USP20: variants seen among roughly 807,000 people sequenced by gnomAD.
USP20 encodes ubiquitin specific peptidase 20.
Under a neutral mutation model 124.2 loss-of-function variants are expected in USP20, and 80 were observed. The observed-to-expected ratio is 0.64, with a 90% CI of 0.54 to 0.78. USP20 has a LOEUF of 0.78. Ranked by LOEUF, USP20 falls within the 30% of genes least tolerant of loss-of-function variation. The probability of loss-of-function intolerance (pLI) is 0.00; values close to 1 mark genes in which losing one functional copy is unlikely to be tolerated. For synonymous variants in USP20, 481 were observed against 512.3 expected (o/e 0.94, Z 0.83); for missense variants, 1,043 against 1,244.4 (o/e 0.84, Z 2.44).
rs1048806198 is a variant in USP20 at position 129,867,005 on chromosome 9, C to T, written c.691-1000C>T. Among the ~76,000 whole-genome samples, 5 of 152,268 alleles carry T rather than the reference C, an allele frequency of 3.3e-5. No individual in the cohort carries two copies. The South Asian group carries it at 6.2e-4, about 19-fold the overall frequency. Reference sequence around the variant, plus strand: ...CTTCCCTGCACATGAGTGGAGAGAGCCGGGATCCTCTTCCCAGATGTGTGA... The same window carrying T: ...CTTCCCTGCACATGAGTGGAGAGAGTCGGGATCCTCTTCCCAGATGTGTGA... On this transcript the variant is annotated intron_variant, in intron 10 of 25. Coordinates refer to ENST00000372429, the MANE Select transcript of USP20 (RefSeq NM_001110303.4).
At chr9:129,874,525 G>C (rs1223112603) in intron 17 of USP20, 51 bp from the exon 18 acceptor site, 2 of 1,601,280 alleles carry the variant, frequency 1.2e-6, no homozygotes, top group South Asian at 2.2e-5. Flanking sequence ...AAGGCTGCGA[G>C]GGCCCGCATC....
intron 1 of USP20, among the ~76,000 whole-genome samples, chr9:129,838,195 C>G (rs1264590754): frequency 6.6e-6 from 1 of 152,068 alleles, no homozygotes; most frequent in Non-Finnish European, 1.5e-5. Context: ...GCGCCCACCA[C>G]CACACCTGGC....
At chr9:129,854,189 C>T in intron 3 of USP20, among the ~76,000 whole-genome samples, 1 of 152,214 alleles carries the variant, frequency 6.6e-6, no homozygotes. Context: ...AAATGGGCCA[C>T]TCACGTTGTG....
rs2034068409 is a variant in USP20 at position 129,870,514 on chromosome 9, C to T, written c.1627C>T (p.Leu543Phe). 6.2e-7 allele frequency: 1 copy of T among 1,614,204 alleles called. No homozygotes were observed. Among genetic ancestry groups the T allele is most frequent in the Non-Finnish European group, 8.5e-7 (1 of 1,180,034 alleles). Residue 543 changes from leucine to phenylalanine, a missense_variant, in exon 15 of 26, where the codon CTT becomes TTT. Coordinates refer to ENST00000372429, the MANE Select transcript of USP20 (RefSeq NM_001110303.4). ...GCCTGTCGTCACCCTGGAAGACTGC[C>T]TTGCTGCCTTCTTTGCCGCTGATGA... ...WGPVVTLEDC[L>F]AAFFAADELK...
intron 1 of USP20, among the ~76,000 whole-genome samples, chr9:129,845,328 G>A (rs895132347): frequency 2.0e-5 from 3 of 151,894 alleles, no homozygotes; most frequent in Admixed American, 6.6e-5. Flanking sequence ...ACATACCTAG[G>A]AAGCCAGATG....
Position 129,880,444 on chromosome 9 carries a change from G to A in USP20, c.*17-23G>A, listed in dbSNP as rs912565738. Reference sequence around the variant, plus strand: ...GCCCTGGACATGGCCCGGCCCCACTGCTGAGTGCCCGTGTCCCCACAGCCC... The same window carrying A: ...GCCCTGGACATGGCCCGGCCCCACTACTGAGTGCCCGTGTCCCCACAGCCC... On this transcript the variant is annotated intron_variant, in intron 25 of 25. Coordinates refer to ENST00000372429, the MANE Select transcript of USP20 (RefSeq NM_001110303.4). The A allele has an allele frequency of 8.9e-6, 8 of 894,766 alleles. No individual in the cohort carries two copies. The South Asian group carries it at 1.4e-4, about 16-fold the overall frequency. 55.4% of individuals were successfully genotyped at this position (894,766 alleles called of 1,614,324 possible).
At chr9:129,866,522 G>A (rs2033826832) in intron 10 of USP20, among the ~76,000 whole-genome samples, 1 of 152,212 alleles carries the variant, frequency 6.6e-6, no homozygotes, top group Non-Finnish European at 1.5e-5. Context: ...AGGCCTACCT[G>A]AGCCCATCCC....
chr9:129,858,341 T>C (rs2174156), intron 5 of USP20, 126 bp from the exon 6 acceptor site: 1,294,723 of 1,429,696 alleles, frequency 0.91, 587,422 homozygotes, highest in East Asian at 1. Context: ...AAGCAAAATT[T>C]GAGCTTCCGG....
In USP20 at chr9:129,880,560, G is replaced by T; in HGVS notation, c.*110G>T. 2.3e-6 allele frequency: 1 copy of T among 433,740 alleles called. No homozygotes were observed. The highest frequency in any genetic ancestry group is 4.2e-6 in the Non-Finnish European group (1 of 236,398). 26.9% of individuals were successfully genotyped at this position (433,740 alleles called of 1,614,324 possible). Reference sequence around the variant, plus strand: ...CGCCGTGTAAAGAGGCAGAAAAGTTGGTTTGGTTTGCAGTAACGCTGCAAC... The same window carrying T: ...CGCCGTGTAAAGAGGCAGAAAAGTTTGTTTGGTTTGCAGTAACGCTGCAAC... On this transcript the variant is annotated 3_prime_UTR_variant, in exon 26 of 26. Transcript: ENST00000372429.
chr9:129,865,157 T>C, intron 9 of USP20, 146 bp from the exon 10 acceptor site: 3 of 734,592 alleles, frequency 4.1e-6, no homozygotes, highest in Admixed American at 2.5e-5. Flanking sequence ...TGTGAGCCTC[T>C]TGGGGCTCCT....
intron 14 of USP20, 102 bp downstream of exon 14, chr9:129,869,946 G>A: frequency 2.2e-6 from 3 of 1,379,304 alleles, no homozygotes; most frequent in Non-Finnish European, 2.0e-6. Flanking sequence ...TGGGGAACCA[G>A]GGAGGTCCTG....
chr9:129,875,993 C>A, intron 21 of USP20, 137 bp from the exon 22 acceptor site: 2 of 794,400 alleles, frequency 2.5e-6, no homozygotes, highest in Non-Finnish European at 4.1e-6. Flanking sequence ...CTGTGGTGCT[C>A]ACACAGAGGT....
chr9:129,865,301 A>T lies in USP20; in HGVS notation c.612-2A>T. The T allele has an allele frequency of 6.2e-7, 1 of 1,614,136 alleles. No individual in the cohort carries two copies. Among genetic ancestry groups the T allele is most frequent in the Non-Finnish European group, 8.5e-7 (1 of 1,179,950 alleles). ...GGACTAATGGGTTTGGGCTTCCTAC[A>T]GGCCAAGCTACGTGGTCCCCACCAG... is the stretch of plus-strand genomic sequence containing the variant. On this transcript the variant is annotated splice_acceptor_variant, in intron 9 of 25. Transcript: ENST00000372429. LOFTEE classifies it high-confidence loss of function.
In USP20 at chr9:129,874,961, C is replaced by T. The variant is rs148670445; in HGVS notation, c.2048+6C>T. On this transcript the variant is annotated splice_donor_region_variant and intron_variant, in intron 19 of 25. Coordinates refer to ENST00000372429, the MANE Select transcript of USP20 (RefSeq NM_001110303.4). The stretch of plus-strand genomic sequence containing the variant: ...GGCTACGTACTCTTCTACAGGTGGG[C>T]GCTGGGCCAGGCCTGGTGGAGGAAC... The T allele has an allele frequency of 7.9e-5, 128 of 1,612,716 alleles. No individual in the cohort carries two copies. Among genetic ancestry groups the T allele is most frequent in the African/African-American group, 1.3e-4 (10 of 75,042 alleles).
rs1218572326 is a variant in USP20 at position 129,878,297 on chromosome 9, G to A, written c.2410-41G>A. The A allele has an allele frequency of 2.7e-6, 4 of 1,504,750 alleles. No homozygotes were observed. The East Asian group carries it at 9.8e-5, about 37-fold the overall frequency. The allele number at this position is 1,504,750 out of a possible 1,614,324, so 93.2% of individuals were successfully genotyped here. A position where few individuals can be genotyped will look rare whatever the true frequency, so the allele number is the denominator to read the frequency against. On this transcript the variant is annotated intron_variant, in intron 22 of 25. Coordinates refer to ENST00000372429, the MANE Select transcript of USP20 (RefSeq NM_001110303.4). The stretch of plus-strand genomic sequence containing the variant: ...TCCTTGCTGAAGGTAAATAGAGACT[G>A]ACCTGCCCTCTGTCTCCTCCCGTCC...
Position 129,878,314 on chromosome 9 carries a change from C to T in USP20, c.2410-24C>T, listed in dbSNP as rs201781498. The T allele has an allele frequency of 2.0e-3, 3,162 of 1,554,860 alleles. 3 individuals are homozygous for T. The highest frequency in any genetic ancestry group is 2.5e-3 in the Non-Finnish European group (2,881 of 1,147,322). On this transcript the variant is annotated intron_variant, in intron 22 of 25. Transcript: ENST00000372429. ...TAGAGACTGACCTGCCCTCTGTCTC[C>T]TCCCGTCCCTGCCCGCCTGCCAGTT... is the stretch of plus-strand genomic sequence containing the variant.
chr9:129,873,606 C>G, intron 16 of USP20, 91 bp downstream of exon 16: 1 of 1,613,502 alleles, frequency 6.2e-7, no homozygotes, highest in Non-Finnish European at 8.5e-7. Flanking sequence ...CCCTATAATC[C>G]TGCCTTCCCA....
rs2033307055 is a variant in USP20 at position 129,858,039 on chromosome 9, T to C, written c.136-11T>C. ...CAAGCTCCAGTCCACTCTCCTTCCCTCTCTTCCCAGGTTGCCTGCCCCTAT... is the reference window on the plus strand; with the variant it reads ...CAAGCTCCAGTCCACTCTCCTTCCCCCTCTTCCCAGGTTGCCTGCCCCTAT... On this transcript the variant is annotated splice_polypyrimidine_tract_variant and intron_variant, in intron 4 of 25. Coordinates refer to ENST00000372429, the MANE Select transcript of USP20 (RefSeq NM_001110303.4). The C allele has an allele frequency of 1.2e-6, 2 of 1,613,130 alleles. No individual in the cohort carries two copies. The highest frequency in any genetic ancestry group is 1.7e-6 in the Non-Finnish European group (2 of 1,179,400).
In USP20 at chr9:129,879,374, A is replaced by G; in HGVS notation, c.2513-199A>G. The G allele has an allele frequency of 1.7e-6, 1 of 591,616 alleles. No homozygotes were observed. The allele number at this position is 591,616 out of a possible 1,614,324, so 36.6% of individuals were successfully genotyped here. A position where few individuals can be genotyped will look rare whatever the true frequency, so the allele number is the denominator to read the frequency against. On this transcript the variant is annotated intron_variant, in intron 23 of 25. Coordinates refer to ENST00000372429, the MANE Select transcript of USP20 (RefSeq NM_001110303.4). This position sits in a 1 kb window ranked among gnomAD's most constrained non-coding sequence, Gnocchi z 4.2. ...TGCGGCCAGCACAGAGTCTGAGACC[A>G]TCTCGTGTGTCCTGGAAATTCCCTC... is the stretch of plus-strand genomic sequence containing the variant.
Sources: allele counts gnomAD v4.1 joint callset (sites outside exome capture counted in the v4.1 genomes callset), GRCh38; gene constraint gnomAD v4.1.1; non-coding constraint Gnocchi (gnomAD v3.1); transcripts MANE v1.5; gene names NCBI Gene and HGNC (gene_info 2026-07-23, HGNC 2026-07-21).